The following MOCS2 variants were observed in gnomAD, a reference collection of about 807,000 sequenced individuals.
MOCS2 encodes molybdenum cofactor synthesis 2, also known as molybdopterin synthase catalytic subunit.
Under a neutral mutation model 21.9 loss-of-function variants are expected in MOCS2, and 13 were observed. That is an observed-to-expected ratio of 0.59 (90% confidence interval 0.39 to 0.94). The LOEUF is 0.94. Ranked by LOEUF, MOCS2 falls within the 40% of genes least tolerant of loss-of-function variation. The pLI, the probability that MOCS2 is intolerant of heterozygous loss-of-function variation, is 0.00. For missense variants in MOCS2, 227 were observed against 218.3 expected, an observed-to-expected ratio of 1.04 and a Z score of -0.25; for synonymous variants, 92 against 80.8, an observed-to-expected ratio of 1.14 and a Z score of -0.74.
chr5:53,109,433 G>A lies in MOCS2; in HGVS notation c.-352C>T. 7.9e-7 allele frequency: 1 copy of A among 1,262,718 alleles called. No homozygotes were observed. The highest frequency in any genetic ancestry group is 1.0e-6 in the Non-Finnish European group (1 of 1,004,472). 78.2% of individuals were successfully genotyped at this position (1,262,718 alleles called of 1,614,324 possible). A position where few individuals can be genotyped will look rare whatever the true frequency, so the allele number is the denominator to read the frequency against. ...TCTGGGAAAGAGGTGGTCATAAAAG[G>A]TGGAGGCGCCTTCAGAACGAGTCCG... On this transcript the variant is annotated 5_prime_UTR_variant, in exon 1 of 7. Transcript: ENST00000396954.
chr5:53,105,781 G>A (rs2112088993), intron 3 of MOCS2, among the ~76,000 whole-genome samples: 1 of 152,284 alleles, frequency 6.6e-6, no homozygotes, highest in Admixed American at 6.5e-5. Context: ...TATCAACAGA[G>A]TGAATAGACA....
rs115658519 is a variant in MOCS2, at chr5:53,107,113, G to A, written c.62C>T (p.Pro21Leu). 16 of 1,614,108 alleles carry A rather than the reference G, an allele frequency of 9.9e-6. No homozygotes were observed. Among genetic ancestry groups the A allele is most frequent in the Non-Finnish European group, 1.3e-5 (15 of 1,179,996 alleles). ...FSLETKLPLS[P>L]PLVEDSAFEP... ...AAAAGCACTATCCTCCACTAATGGG[G>A]GGGATAACGGCAATTTCGTCTCCAG... Residue 21 changes from proline to leucine, a missense_variant, in exon 3 of 7, where the codon CCC becomes CTC. By Grantham distance (98) the Pro-to-Leu change is moderately conservative (BLOSUM62 -3). Transcript: ENST00000396954.
intron 1 of MOCS2, 148 bp from the exon 2 acceptor site, chr5:53,108,791 A>T: frequency 1.3e-6 from 1 of 786,032 alleles, no homozygotes; most frequent in Non-Finnish European, 1.9e-6. Context: ...AAATTTCAGT[A>T]TACCTACAAG....
rs1437599033 is a variant in MOCS2, at chr5:53,098,228, G to A, written c.*374C>T. The A allele has an allele frequency of 4.5e-6, 1 of 221,104 alleles. No homozygotes were observed. The highest frequency in any genetic ancestry group is 5.2e-5 in the Admixed American group (1 of 19,314). The allele number at this position is 221,104 out of a possible 1,614,324, so 13.7% of individuals were successfully genotyped here. A position where few individuals can be genotyped will look rare whatever the true frequency, so the allele number is the denominator to read the frequency against. ...ATGCTCTCCCAGAACCGGGATGGGGGGCGGTGAGGTGGGGTTGGTGGGGGA... is the reference window on the plus strand; with the variant it reads ...ATGCTCTCCCAGAACCGGGATGGGGAGCGGTGAGGTGGGGTTGGTGGGGGA... On this transcript the variant is annotated 3_prime_UTR_variant, in exon 7 of 7. Transcript: ENST00000396954.
chr5:53,109,611 G>T lies in MOCS2; in HGVS notation c.-530C>A. On this transcript the variant is annotated 5_prime_UTR_variant, in exon 1 of 7. Coordinates refer to ENST00000396954, the MANE Select transcript of MOCS2 (RefSeq NM_004531.5). ...CGGCCAGGTTGGGGGCTAGTGGGGA[G>T]GTCCGACTGACCAAGGCTGGGTATG... 5 of 1,515,342 alleles carry T rather than the reference G, an allele frequency of 3.3e-6. No individual in the cohort carries two copies. The highest frequency in any genetic ancestry group is 4.4e-6 in the Non-Finnish European group (5 of 1,126,146). The allele number at this position is 1,515,342 out of a possible 1,614,324, so 93.9% of individuals were successfully genotyped here.
At chr5:53,100,262 T>C in intron 6 of MOCS2, 149 bp downstream of exon 6, 1 of 894,270 alleles carries the variant, frequency 1.1e-6, no homozygotes, top group Non-Finnish European at 1.7e-6. Context: ...TTTTTCATGC[T>C]TAACAAATCT....
In MOCS2 at chr5:53,095,966, G is replaced by A. The variant is rs560195636; in HGVS notation, c.*2636C>T. The A allele has an allele frequency of 1.3e-5, 2 of 152,032 alleles. No homozygotes were observed. Among genetic ancestry groups the A allele is most frequent in the South Asian group, 4.2e-4 (2 of 4,802 alleles). 9.4% of individuals were successfully genotyped at this position (152,032 alleles called of 1,614,324 possible). A position where few individuals can be genotyped will look rare whatever the true frequency, so the allele number is the denominator to read the frequency against. ...TGGACATCATCTTACATAAAATCAG[G>A]GCCTAATTTTCATTTCGGAACCACT... On this transcript the variant is annotated 3_prime_UTR_variant, in exon 7 of 7. Coordinates refer to ENST00000396954, the MANE Select transcript of MOCS2 (RefSeq NM_004531.5).
At chr5:53,101,716 C>A (rs996553962) in intron 4 of MOCS2, among the ~76,000 whole-genome samples, 4 of 152,118 alleles carry the variant, frequency 2.6e-5, no homozygotes, top group Non-Finnish European at 4.4e-5. Flanking sequence ...AAGATGAGCA[C>A]TGATTAAGCA....
chr5:53,100,306 A>G, intron 6 of MOCS2, 105 bp downstream of exon 6: 1 of 1,273,274 alleles, frequency 7.9e-7, no homozygotes, highest in Non-Finnish European at 1.1e-6. Flanking sequence ...AAAGAAAACA[A>G]GATACTACAG....
intron 6 of MOCS2, 50 bp from the exon 7 acceptor site, chr5:53,098,717 C>A: frequency 1.6e-6 from 2 of 1,232,300 alleles, no homozygotes; most frequent in Non-Finnish European, 2.4e-6. Flanking sequence ...TTCTACTATA[C>A]GAATATAAAA....
chr5:53,098,694 T>TA (rs1472986888), intron 6 of MOCS2, 27 bp from the exon 7 acceptor site: 3 of 1,470,346 alleles, frequency 2.0e-6, no homozygotes, highest in Non-Finnish European at 2.9e-6. Context: ...TAACAGGTAT[T>TA]AAAAATAGAC....
intron 3 of MOCS2, among the ~76,000 whole-genome samples, chr5:53,104,523 A>G (rs1262157908): frequency 6.6e-6 from 1 of 152,190 alleles, no homozygotes; most frequent in African/African-American, 2.4e-5. Flanking sequence ...CATTTTTAGA[A>G]CCTCCTGAAA....
At chr5:53,107,754 G>A (rs765923674) in intron 2 of MOCS2, 1 of 153,414 alleles carries the variant, frequency 6.5e-6, no homozygotes, top group African/African-American at 2.4e-5. Context: ...TTCAGGCACA[G>A]TGAAAACGTA....
Position 53,102,093 on chromosome 5 carries a change from T to G in MOCS2, c.226+4A>C. 1 of 1,613,230 alleles carries G rather than the reference T, an allele frequency of 6.2e-7. No individual in the cohort carries two copies. The highest frequency in any genetic ancestry group is 8.5e-7 in the Non-Finnish European group (1 of 1,179,440). On this transcript the variant is annotated splice_donor_region_variant and intron_variant, in intron 4 of 6. Transcript: ENST00000396954. The stretch of plus-strand genomic sequence containing the variant: ...TGATAGATGCAATGAAAATTACAAC[T>G]CACCTACAAATAGGGATATTGCACC...
chr5:53,098,942 A>C (rs1393552840), intron 6 of MOCS2, among the ~76,000 whole-genome samples: 2 of 152,186 alleles, frequency 1.3e-5, no homozygotes, highest in African/African-American at 2.4e-5. Flanking sequence ...CTGTTGAATT[A>C]AGTGGTCACC....
chr5:53,109,701 GCCA>G lies in MOCS2; in HGVS notation c.-623_-621del. 1 of 1,553,264 alleles carries G rather than the reference GCCA, an allele frequency of 6.4e-7. No homozygotes were observed. The highest frequency in any genetic ancestry group is 1.9e-5 in the Admixed American group (1 of 51,652). ...CGCACCCAGGCCCGCACGCACACCC[GCCA>G]CCCTTACCTGGCACAGCGGCACCAT... On this transcript the variant is annotated 5_prime_UTR_variant, in exon 1 of 7. Coordinates refer to ENST00000396954, the MANE Select transcript of MOCS2 (RefSeq NM_004531.5).
Position 53,109,270 on chromosome 5 carries a change from ACT to A in MOCS2, c.-191_-190del, listed in dbSNP as rs1741136998. 1 of 1,001,796 alleles carries A rather than the reference ACT, an allele frequency of 1.0e-6. No homozygotes were observed. The highest frequency in any genetic ancestry group is 1.2e-6 in the Non-Finnish European group (1 of 841,248). The allele number at this position is 1,001,796 out of a possible 1,614,324, so 62.1% of individuals were successfully genotyped here. On this transcript the variant is annotated 5_prime_UTR_variant, in exon 1 of 7. Coordinates refer to ENST00000396954, the MANE Select transcript of MOCS2 (RefSeq NM_004531.5). ...AGGCACCTGTCACTCCGTGCAAACA[ACT>A]CTTTACGAAATAATTACAGGTTTGC...
chr5:53,100,658 T>A (rs1740885828), intron 5 of MOCS2, 124 bp from the exon 6 acceptor site: 2 of 980,766 alleles, frequency 2.0e-6, no homozygotes, highest in Non-Finnish European at 3.1e-6. Context: ...AGTTCTATTT[T>A]ACGTAAACAT....
intron 3 of MOCS2, among the ~76,000 whole-genome samples, chr5:53,106,771 T>G (rs1189643007): frequency 6.6e-6 from 1 of 152,208 alleles, no homozygotes; most frequent in Non-Finnish European, 1.5e-5. Context: ...AATTTGTTTT[T>G]TTACCTGCAA....
Sources: allele counts gnomAD v4.1 joint callset (sites outside exome capture counted in the v4.1 genomes callset), GRCh38; gene constraint gnomAD v4.1.1; transcripts MANE v1.5; gene names NCBI Gene and HGNC (gene_info 2026-07-23, HGNC 2026-07-21).